The following NUDT3 variants were observed in gnomAD, a reference collection of about 807,000 sequenced individuals.
NUDT3 encodes diphosphoinositol polyphosphate phosphohydrolase 1.
NUDT3 carries 9 observed loss-of-function variants against 23.6 expected under a neutral mutation model. The ratio of observed to expected loss-of-function variants is 0.38; its 90% CI spans 0.23 to 0.66. NUDT3 has a LOEUF of 0.66. Ranked by LOEUF, NUDT3 falls within the 30% of genes least tolerant of loss-of-function variation. NUDT3 has a pLI of 0.52. For missense variants in NUDT3, 172 were observed against 218.5 expected (o/e 0.79, Z 1.34); for synonymous variants, 86 against 82.6 (o/e 1.04, Z -0.22).
chr6:34,373,049 G>A (rs1481140921), intron 1 of NUDT3, among the ~76,000 whole-genome samples: 1 of 151,924 alleles, frequency 6.6e-6, no homozygotes, highest in Non-Finnish European at 1.5e-5. Flanking sequence ...GGAAGCCGAG[G>A]CGGGCGAATC....
chr6:34,377,605 G>A lies in NUDT3; in HGVS notation c.99+14659C>T, dbSNP rs142387326. On this transcript the variant is annotated intron_variant, in intron 1 of 4. Transcript: ENST00000607016. Reference sequence around the variant, plus strand: ...TCCCAGCACTTTGGGAAGCTGAGACGGACAGATCATTTGAGGCCAGGAGTT... The same window carrying A: ...TCCCAGCACTTTGGGAAGCTGAGACAGACAGATCATTTGAGGCCAGGAGTT... Among the ~76,000 whole-genome samples, 650 of 151,210 alleles carry A rather than the reference G, an allele frequency of 4.3e-3. 5 individuals carry two copies. Among genetic ancestry groups the A allele is most frequent in the African/African-American group, 0.015 (602 of 41,180 alleles).
chr6:34,355,809 A>G (rs571409344), intron 1 of NUDT3, among the ~76,000 whole-genome samples: 1 of 152,206 alleles, frequency 6.6e-6, no homozygotes, highest in South Asian at 2.1e-4. Flanking sequence ...AAATTTGGAT[A>G]AAAACTCAAG....
At chr6:34,392,155 C>T in intron 1 of NUDT3, 109 bp downstream of exon 1, 1 of 735,222 alleles carries the variant, frequency 1.4e-6, no homozygotes, top group Non-Finnish European at 2.1e-6. Context: ...TCATTCCGCC[C>T]GAGCGGGGCG....
intron 2 of NUDT3, among the ~76,000 whole-genome samples, chr6:34,318,456 C>T (rs926317984): frequency 3.3e-5 from 5 of 152,156 alleles, no homozygotes; most frequent in East Asian, 1.9e-4. Context: ...CACACAAATA[C>T]GTTTTTGTAC....
Position 34,310,510 on chromosome 6 carries a change from C to T in NUDT3, c.211-14825G>A, listed in dbSNP as rs1194326911. On this transcript the variant is annotated intron_variant, in intron 2 of 4. Transcript: ENST00000607016. Reference sequence around the variant, plus strand: ...TGCCACTGCACTCCAGCCTGGGCAACAGAGTGAGACTCTGTCTCAAATAAC... The same window carrying T: ...TGCCACTGCACTCCAGCCTGGGCAATAGAGTGAGACTCTGTCTCAAATAAC... Among the ~76,000 whole-genome samples, 5 of 152,132 alleles carry T rather than the reference C, an allele frequency of 3.3e-5. 1 individual carries two copies. The East Asian group carries it at 7.7e-4, about 23-fold the overall frequency.
intron 1 of NUDT3, among the ~76,000 whole-genome samples, chr6:34,344,239 T>C (rs1764330865): frequency 6.6e-6 from 1 of 152,128 alleles, no homozygotes. Flanking sequence ...GACACTTCCA[T>C]ACAAATGTTT....
chr6:34,330,708 C>G (rs55863933), intron 2 of NUDT3, among the ~76,000 whole-genome samples: 14,634 of 151,676 alleles, frequency 0.096, 807 homozygotes, highest in Non-Finnish European at 0.12. Context: ...GGCCAAGGTG[C>G]GAGGATCACT....
At position 34,282,394 on chromosome 6, in the gene NUDT3, C is replaced by T. The variant is rs1385220142; in HGVS notation, c.*6359G>A. 1 of 152,122 alleles carries T rather than the reference C, an allele frequency of 6.6e-6. No individual in the cohort carries two copies. The highest frequency in any genetic ancestry group is 2.4e-5 in the African/African-American group (1 of 41,420). 9.4% of individuals were successfully genotyped at this position (152,122 alleles called of 1,614,324 possible). On this transcript the variant is annotated 3_prime_UTR_variant, in exon 5 of 5. Transcript: ENST00000607016. ...GATTTTCCAAAGCTGAGCCACGCGCCCCACCCTACAGGGAGGGGAGTAGAA... is the reference window on the plus strand; with the variant it reads ...GATTTTCCAAAGCTGAGCCACGCGCTCCACCCTACAGGGAGGGGAGTAGAA...
At chr6:34,316,495 G>C (rs1763860116) in intron 2 of NUDT3, among the ~76,000 whole-genome samples, 1 of 152,146 alleles carries the variant, frequency 6.6e-6, no homozygotes, top group African/African-American at 2.4e-5. Context: ...ATTTCATCTG[G>C]CATAGGTGTG....
At chr6:34,381,239 A>C (rs1561924773) in intron 1 of NUDT3, among the ~76,000 whole-genome samples, 1 of 152,122 alleles carries the variant, frequency 6.6e-6, no homozygotes, top group Non-Finnish European at 1.5e-5. Context: ...CCTTGTCTCA[A>C]ACTCTTGAGC....
chr6:34,295,848 C>T (rs775666765), intron 2 of NUDT3, among the ~76,000 whole-genome samples, 163 bp from the exon 3 acceptor site: 3 of 152,084 alleles, frequency 2.0e-5, no homozygotes, highest in Non-Finnish European at 2.9e-5. Context: ...TGTGTGTCAC[C>T]GACTACTAAC....
chr6:34,387,393 A>T (rs1657377772), intron 1 of NUDT3, among the ~76,000 whole-genome samples: 1 of 152,188 alleles, frequency 6.6e-6, no homozygotes, highest in Admixed American at 6.5e-5. Flanking sequence ...GACCCTGTGT[A>T]GGCCTAGGTT....
intron 2 of NUDT3, among the ~76,000 whole-genome samples, chr6:34,339,486 T>C (rs1307701402): frequency 6.6e-6 from 1 of 152,210 alleles, no homozygotes; most frequent in East Asian, 1.9e-4. Context: ...TAAAATCAGA[T>C]TCTGATACAG....
chr6:34,332,530 T>C (rs1294084432), intron 2 of NUDT3, among the ~76,000 whole-genome samples: 1 of 152,086 alleles, frequency 6.6e-6, no homozygotes, highest in Non-Finnish European at 1.5e-5. Flanking sequence ...TGGAAAAAAA[T>C]CCACATATAA....
At chr6:34,322,234 C>CTT (rs988797839) in intron 2 of NUDT3, among the ~76,000 whole-genome samples, 1 of 142,524 alleles carries the variant, frequency 7.0e-6, no homozygotes, top group Non-Finnish European at 1.5e-5. Context: ...ACCCTGGACT[C>CTT]TTTTTTTTTT....
intron 2 of NUDT3, among the ~76,000 whole-genome samples, chr6:34,296,083 C>T (rs1302815330): frequency 6.6e-6 from 1 of 152,166 alleles, no homozygotes; most frequent in Non-Finnish European, 1.5e-5. Flanking sequence ...GTTTGGTCAA[C>T]ATAGCAAGAT....
At chr6:34,362,999 C>T (rs1581891114) in intron 1 of NUDT3, among the ~76,000 whole-genome samples, 1 of 152,084 alleles carries the variant, frequency 6.6e-6, no homozygotes, top group Non-Finnish European at 1.5e-5. Context: ...AATTTGCATC[C>T]GAATAAAGAG....
chr6:34,345,799 G>T (rs1764359602), intron 1 of NUDT3, among the ~76,000 whole-genome samples: 1 of 151,592 alleles, frequency 6.6e-6, no homozygotes, highest in Non-Finnish European at 1.5e-5. Context: ...ACGGAGTTTT[G>T]CTCTTGTTGC....
intron 1 of NUDT3, among the ~76,000 whole-genome samples, chr6:34,380,323 A>C (rs895452194): frequency 6.6e-6 from 1 of 151,972 alleles, no homozygotes; most frequent in Non-Finnish European, 1.5e-5. Flanking sequence ...AAGTGCTGGG[A>C]TTACAGGCGC....
Sources: allele counts gnomAD v4.1 joint callset (sites outside exome capture counted in the v4.1 genomes callset), GRCh38; gene constraint gnomAD v4.1.1; transcripts MANE v1.5; gene names NCBI Gene and HGNC (gene_info 2026-07-23, HGNC 2026-07-21).